Variants in CCRL2 observed in about 807,000 individuals in gnomAD.
CCRL2 encodes C-C chemokine receptor-like 2.
For missense variants in CCRL2, 451 were observed against 412.4 expected, an observed-to-expected ratio of 1.09 and a Z score of -0.81; for synonymous variants, 181 against 165.6, an observed-to-expected ratio of 1.09 and a Z score of -0.71.
rs1702105923 is a variant in CCRL2 at position 46,409,227 on chromosome 3, A to G, written c.*113A>G. Reference sequence around the variant, plus strand: ...AAAATCGGATACAGGAAGAAAAGGGAGAGGTGAGCTAACATTTGCTAAGCA... The same window carrying G: ...AAAATCGGATACAGGAAGAAAAGGGGGAGGTGAGCTAACATTTGCTAAGCA... On this transcript the variant is annotated 3_prime_UTR_variant, in exon 2 of 2. Coordinates refer to ENST00000399036, the MANE Select transcript of CCRL2 (RefSeq NM_003965.5). 4.8e-6 allele frequency: 5 copies of G among 1,034,824 alleles called. No homozygotes were observed. Among genetic ancestry groups the G allele is most frequent in the Admixed American group, 5.0e-5 (2 of 40,104 alleles). 64.1% of individuals were successfully genotyped at this position (1,034,824 alleles called of 1,614,324 possible).
In CCRL2 at chr3:46,407,262, C is replaced by T. The variant is rs148230791; in HGVS notation, c.-253C>T. 34 of 178,148 alleles carry T rather than the reference C, an allele frequency of 1.9e-4. No individual in the cohort carries two copies. Among genetic ancestry groups the T allele is most frequent in the South Asian group, 5.7e-4 (4 of 7,070 alleles). The allele number at this position is 178,148 out of a possible 1,614,324, so 11.0% of individuals were successfully genotyped here. Reference sequence around the variant, plus strand: ...AAACAACTTCCCGGTTGCTTTCAGACGCTTCAGAGATCCTCTGGAGGCCTG... The same window carrying T: ...AAACAACTTCCCGGTTGCTTTCAGATGCTTCAGAGATCCTCTGGAGGCCTG... On this transcript the variant is annotated 5_prime_UTR_variant, in exon 1 of 2. It adds an upstream start codon to the 5' untranslated region. Coordinates refer to ENST00000399036, the MANE Select transcript of CCRL2 (RefSeq NM_003965.5).
In CCRL2 at chr3:46,409,031, C is replaced by G; in HGVS notation, c.952C>G (p.Arg318Gly). The change falls in exon 2 of 2, where the codon CGT (arginine) becomes GGT (glycine). Residue 318 changes from arginine (R) to glycine (G), a missense_variant. Arg to Gly is a moderately radical substitution (Grantham distance 125). Coordinates refer to ENST00000399036, the MANE Select transcript of CCRL2 (RefSeq NM_003965.5). ...SKYLCRCFHL[R>G]SNTPLQPRGQ... ...ATACCTCTGCCGCTGTTTCCATCTGCGTAGTAACACCCCACTTCAACCCAG... is the reference window on the plus strand; with the variant it reads ...ATACCTCTGCCGCTGTTTCCATCTGGGTAGTAACACCCCACTTCAACCCAG... The G allele has an allele frequency of 6.2e-7, 1 of 1,614,150 alleles. No individual in the cohort carries two copies. The highest frequency in any genetic ancestry group is 8.5e-7 in the Non-Finnish European group (1 of 1,180,012).
At position 46,408,184 on chromosome 3, in the gene CCRL2, AC is replaced by A. The variant is rs1559579412; in HGVS notation, c.106del (p.Leu36SerfsTer15). The part of the protein sequence containing the change: ...EQCDKYDAQA[L>X]SAQLVPSLCS... ...AATGTGACAAGTATGACGCCCAGGC[AC>A]TCTCAGCCCAGCTGGTGCCATCACT... On this transcript the variant is annotated frameshift_variant, in exon 2 of 2. Transcript: ENST00000399036. LOFTEE classifies it low-confidence loss of function (END_TRUNC). 1 of 1,613,284 alleles carries A rather than the reference AC, an allele frequency of 6.2e-7. No individual in the cohort carries two copies. Among genetic ancestry groups the A allele is most frequent in the Non-Finnish European group, 8.5e-7 (1 of 1,179,622 alleles).
At position 46,408,777 on chromosome 3, in the gene CCRL2, G is replaced by T; in HGVS notation, c.698G>T (p.Arg233Met). Residue 233 changes from arginine to methionine, a missense_variant, in exon 2 of 2, where the codon AGG becomes ATG. By Grantham distance (91) the Arg-to-Met change is moderately conservative. Transcript: ENST00000399036. ...AAAACACTAAGGTTCAGGGAGCAGA[G>T]GTATAGCCTTTTCAAGCTTGTTTTT... ...MRKTLRFREQ[R>M]YSLFKLVFAI... 2 of 1,614,184 alleles carry T rather than the reference G, an allele frequency of 1.2e-6. No homozygotes were observed. Among genetic ancestry groups the T allele is most frequent in the Non-Finnish European group, 8.5e-7 (1 of 1,180,030 alleles).
chr3:46,407,936 T>G, intron 1 of CCRL2, 132 bp from the exon 2 acceptor site: 1 of 724,466 alleles, frequency 1.4e-6, no homozygotes, highest in Non-Finnish European at 2.2e-6. Context: ...TCTTCTGAAA[T>G]AGGGAATTAC....
In CCRL2 at chr3:46,407,711, G is replaced by T. The variant is rs1375464956; in HGVS notation, c.-13+209G>T. On this transcript the variant is annotated intron_variant, in intron 1 of 1. Coordinates refer to ENST00000399036, the MANE Select transcript of CCRL2 (RefSeq NM_003965.5). ...TTCTTAAAAGTAAGCCATCGTACTT[G>T]GTTCTCTTTAATTATATATTTTCTT... is the stretch of plus-strand genomic sequence containing the variant. 3.1e-5 allele frequency: 48 copies of T among 1,525,804 alleles called. No homozygotes were observed. The Admixed American group carries it at 9.4e-4, about 30-fold the overall frequency. 94.5% of individuals were successfully genotyped at this position (1,525,804 alleles called of 1,614,324 possible).
At position 46,408,532 on chromosome 3, in the gene CCRL2, A is replaced by C. The variant is rs373443628; in HGVS notation, c.453A>C (p.Thr151=). 151 of 1,614,072 alleles carry C rather than the reference A, an allele frequency of 9.4e-5. No individual in the cohort carries two copies. Among genetic ancestry groups the C allele is most frequent in the Non-Finnish European group, 1.2e-4 (143 of 1,180,038 alleles). The change falls in exon 2 of 2, where the codon ACA becomes ACC. Residue 151 remains threonine (T), a synonymous_variant. Transcript: ENST00000399036. ...ARRRVPCGII[T]SVLAWVTAIL... The stretch of plus-strand genomic sequence containing the variant: ...GGAGGGTGCCCTGTGGCATCATTAC[A>C]AGTGTCCTGGCATGGGTAACAGCCA...
Position 46,408,430 on chromosome 3 carries a change from G to A in CCRL2, c.351G>A (p.Glu117=). 1.2e-6 allele frequency: 2 copies of A among 1,614,224 alleles called. No homozygotes were observed. The highest frequency in any genetic ancestry group is 1.7e-6 in the Non-Finnish European group (2 of 1,180,044). The change falls in exon 2 of 2, where the codon GAG becomes GAA. Residue 117 remains glutamate, a synonymous_variant. Coordinates refer to ENST00000399036, the MANE Select transcript of CCRL2 (RefSeq NM_003965.5). ...IGLYFVGLYS[E]TFFNCLLTVQ... ...TGTACTTCGTGGGCCTGTACAGTGA[G>A]ACATTTTTCAATTGCCTTCTGACTG...
rs1559578844 is a variant in CCRL2, at chr3:46,407,289, G to C, written c.-226G>C. On this transcript the variant is annotated 5_prime_UTR_variant, in exon 1 of 2. Coordinates refer to ENST00000399036, the MANE Select transcript of CCRL2 (RefSeq NM_003965.5). ...CTTCAGAGATCCTCTGGAGGCCTGG[G>C]GGAGCTTTTGAGTACTTTATTTCAG... 4.7e-6 allele frequency: 1 copy of C among 212,752 alleles called. No individual in the cohort carries two copies. The highest frequency in any genetic ancestry group is 2.3e-5 in the African/African-American group (1 of 42,786). The allele number at this position is 212,752 out of a possible 1,614,324, so 13.2% of individuals were successfully genotyped here.
In CCRL2 at chr3:46,409,521, C is replaced by A. The variant is rs921341398; in HGVS notation, c.*407C>A. 5.9e-6 allele frequency: 1 copy of A among 168,650 alleles called. No homozygotes were observed. Among genetic ancestry groups the A allele is most frequent in the Admixed American group, 5.9e-5 (1 of 16,984 alleles). 10.4% of individuals were successfully genotyped at this position (168,650 alleles called of 1,614,324 possible). Reference sequence around the variant, plus strand: ...ATGAAATAAATGTATTTTAAAACATCTATTTAATGTATTTTAAAATAATTT... The same window carrying A: ...ATGAAATAAATGTATTTTAAAACATATATTTAATGTATTTTAAAATAATTT... On this transcript the variant is annotated 3_prime_UTR_variant, in exon 2 of 2. Coordinates refer to ENST00000399036, the MANE Select transcript of CCRL2 (RefSeq NM_003965.5).
At position 46,408,802 on chromosome 3, in the gene CCRL2, TG is replaced by T; in HGVS notation, c.724del (p.Ala242ProfsTer2). Reference protein sequence around the residue: ...QRYSLFKLVFAIMVVFLLMWA... With the variant: ...QRYSLFKLVFXIMVVFLLMWA... The stretch of plus-strand genomic sequence containing the variant: ...GGTATAGCCTTTTCAAGCTTGTTTT[TG>T]CCATAATGGTAGTCTTCCTTCTGAT... On this transcript the variant is annotated frameshift_variant, in exon 2 of 2. Coordinates refer to ENST00000399036, the MANE Select transcript of CCRL2 (RefSeq NM_003965.5). LOFTEE classifies it low-confidence loss of function (END_TRUNC). 1 of 1,614,256 alleles carries T rather than the reference TG, an allele frequency of 6.2e-7. No homozygotes were observed. Among genetic ancestry groups the T allele is most frequent in the Non-Finnish European group, 8.5e-7 (1 of 1,180,044 alleles).
intron 1 of CCRL2, chr3:46,407,860 A>G: frequency 1.5e-6 from 1 of 681,966 alleles, no homozygotes; most frequent in Non-Finnish European, 2.5e-6. Context: ...TACATGCTTA[A>G]CAACTAGATT....
chr3:46,408,393 T>G lies in CCRL2; in HGVS notation c.314T>G (p.Ile105Ser), dbSNP rs1372674468. Residue 105 changes from isoleucine to serine, a missense_variant, in exon 2 of 2, where the codon ATT becomes AGT. Ile to Ser is a moderately radical substitution (Grantham distance 142, BLOSUM62 -2). Transcript: ENST00000399036. ...GCTGGGGGCGATCCCATGTGTAAAA[T>G]TCTCATTGGACTGTACTTCGTGGGC... ...AHAGGDPMCK[I>S]LIGLYFVGLY... is the part of the protein sequence containing the mutation. 1.2e-6 allele frequency: 2 copies of G among 1,614,128 alleles called. No individual in the cohort carries two copies. The highest frequency in any genetic ancestry group is 2.7e-5 in the African/African-American group (2 of 74,938).
intron 1 of CCRL2, 150 bp downstream of exon 1, chr3:46,407,652 T>C (rs1299176306): frequency 6.5e-7 from 1 of 1,542,592 alleles, no homozygotes; most frequent in South Asian, 1.2e-5. Context: ...GTGAGCAAAC[T>C]TTTTAAAATG....
chr3:46,408,512 GT>G lies in CCRL2; in HGVS notation c.434del (p.Val145GlyfsTer13), dbSNP rs758455612. On this transcript the variant is annotated frameshift_variant, in exon 2 of 2. Transcript: ENST00000399036. LOFTEE classifies it low-confidence loss of function (END_TRUNC). ...AAACTTTTTCTCAGCCAGGAGGAGG[GT>G]GCCCTGTGGCATCATTACAAGTGTC... ...KGNFFSARRR[V>X]PCGIITSVLA... 6.2e-7 allele frequency: 1 copy of G among 1,614,214 alleles called. No homozygotes were observed. The highest frequency in any genetic ancestry group is 8.5e-7 in the Non-Finnish European group (1 of 1,180,040).
chr3:46,408,053 C>T lies in CCRL2; in HGVS notation c.-12-15C>T. ...CAGCTGTCGGAGGGGAAAATCATCT[C>T]CCATTTCTCCACAGGGCAGTCTGAA... On this transcript the variant is annotated splice_polypyrimidine_tract_variant and intron_variant, in intron 1 of 1. Transcript: ENST00000399036. The T allele has an allele frequency of 6.6e-7, 1 of 1,522,084 alleles. No homozygotes were observed. Among genetic ancestry groups the T allele is most frequent in the Non-Finnish European group, 8.8e-7 (1 of 1,131,866 alleles). The allele number at this position is 1,522,084 out of a possible 1,614,324, so 94.3% of individuals were successfully genotyped here.
At position 46,407,479 on chromosome 3, in the gene CCRL2, C is replaced by T. The variant is rs1487259446; in HGVS notation, c.-36C>T. 1.7e-6 allele frequency: 1 copy of T among 594,906 alleles called. No homozygotes were observed. The allele number at this position is 594,906 out of a possible 1,614,324, so 36.9% of individuals were successfully genotyped here. ...TGCTGGGTCTGGAGGCTGCGCCCTT[C>T]CCCTGCAGGAGCTCAGCCCAGTGGT... On this transcript the variant is annotated 5_prime_UTR_variant, in exon 1 of 2. Transcript: ENST00000399036.
rs755978394 is a variant in CCRL2 at position 46,407,680 on chromosome 3, A to T, written c.-13+178A>T. On this transcript the variant is annotated intron_variant, in intron 1 of 1. Transcript: ENST00000399036. ...TTAAAATGCAGAAATTATGATCTAC[A>T]CCCGTTTCTTAAAAGTAAGCCATCG... The T allele has an allele frequency of 1.6e-5, 25 of 1,544,448 alleles. No individual in the cohort carries two copies. The highest frequency in any genetic ancestry group is 1.7e-4 in the Middle Eastern group (1 of 6,000).
chr3:46,409,175 A>T lies in CCRL2; in HGVS notation c.*61A>T. 3.5e-6 allele frequency: 5 copies of T among 1,431,986 alleles called. No homozygotes were observed. The South Asian group carries it at 5.3e-5, about 15-fold the overall frequency. The allele number at this position is 1,431,986 out of a possible 1,614,324, so 88.7% of individuals were successfully genotyped here. On this transcript the variant is annotated 3_prime_UTR_variant, in exon 2 of 2. Transcript: ENST00000399036. ...GATTTTCATCTTTCTGCATTATTTC[A>T]TGTAAATTTTCTACACATTTGTATA...
Sources: allele counts gnomAD v4.1 joint callset, GRCh38; gene constraint gnomAD v4.1.1; transcripts MANE v1.5; gene names NCBI Gene and HGNC (gene_info 2026-07-23, HGNC 2026-07-21).